Variants in APOL4 observed in about 807,000 individuals in gnomAD.
APOL4 encodes the protein apolipoprotein L, 4.
Under a neutral mutation model 12.1 loss-of-function variants are expected in APOL4, and 14 were observed. That is an observed-to-expected ratio of 1.16 (90% confidence interval 0.76 to 1.81). The LOEUF (loss-of-function observed/expected upper bound fraction) is 1.81. Among genes scored for constraint, APOL4 ranks in the 40% most tolerant of loss-of-function variants. The probability of loss-of-function intolerance (pLI) is 0.00; values close to 1 mark genes in which losing one functional copy is unlikely to be tolerated. For synonymous variants in APOL4, 171 were observed against 160.6 expected, an observed-to-expected ratio of 1.06 and a Z score of -0.49; for missense variants, 432 against 423.1, an observed-to-expected ratio of 1.02 and a Z score of -0.18.
chr22:36,199,197 CA>C (rs2014497460), intron 2 of APOL4, 132 bp downstream of exon 2: 1 of 1,271,672 alleles, frequency 7.9e-7, no homozygotes, highest in African/African-American at 1.5e-5. Flanking sequence ...GCAGCCTCAT[CA>C]GCCACCTCCG....
chr22:36,198,631 G>A (rs1002042330), intron 2 of APOL4, among the ~76,000 whole-genome samples: 2 of 152,192 alleles, frequency 1.3e-5, no homozygotes, highest in Admixed American at 6.5e-5. Flanking sequence ...TAGAGGGGAT[G>A]GGAACCACCC....
rs1603477170 is a variant in APOL4 at position 36,190,305 on chromosome 22, G to A, written c.*770C>T. ...GGCAGGGCGAGATCACAGGAACACA[G>A]GACCGGGGAGAAATTAAAATTGCTA... On this transcript the variant is annotated 3_prime_UTR_variant, in exon 4 of 4. Transcript: ENST00000683024. The A allele has an allele frequency of 6.6e-6, 1 of 152,240 alleles. No individual in the cohort carries two copies. 9.4% of individuals were successfully genotyped at this position (152,240 alleles called of 1,614,324 possible). A position where few individuals can be genotyped will look rare whatever the true frequency, so the allele number is the denominator to read the frequency against.
At position 36,195,306 on chromosome 22, in the gene APOL4, G is replaced by T. The variant is rs747631302; in HGVS notation, c.209+5C>A. The T allele has an allele frequency of 4.3e-6, 7 of 1,613,562 alleles. No individual in the cohort carries two copies. The highest frequency in any genetic ancestry group is 5.9e-6 in the Non-Finnish European group (7 of 1,179,612). On this transcript the variant is annotated splice_donor_5th_base_variant and intron_variant, in intron 3 of 3. Transcript: ENST00000683024. ...GCCCCAAGGAGGTAACCCCATGGAGGTTACCTGGGCAATTCAGCCACACGC... is the reference window on the plus strand; with the variant it reads ...GCCCCAAGGAGGTAACCCCATGGAGTTTACCTGGGCAATTCAGCCACACGC...
chr22:36,195,768 TCTCTCTCTCACACA>T (rs781248842), intron 2 of APOL4, among the ~76,000 whole-genome samples: 78 of 105,596 alleles, frequency 7.4e-4, no homozygotes, highest in South Asian at 6.3e-3. Context: ...TCTCTCTCTC[TCTCTCTCTCACACA>T]CACACACACA....
intron 2 of APOL4, among the ~76,000 whole-genome samples, chr22:36,198,508 G>A (rs185854214): frequency 1.1e-4 from 17 of 152,262 alleles, no homozygotes; most frequent in African/African-American, 3.4e-4. Context: ...GGGTACTTTC[G>A]ATGATTGGAC....
chr22:36,196,738 T>C (rs1418853402), intron 2 of APOL4, among the ~76,000 whole-genome samples: 3 of 152,108 alleles, frequency 2.0e-5, no homozygotes, highest in South Asian at 4.2e-4. Flanking sequence ...GAAGGAGAAA[T>C]TGAGACCCAG....
At chr22:36,199,408 A>G in intron 1 of APOL4, 32 bp from the exon 2 acceptor site, 2 of 1,614,004 alleles carry the variant, frequency 1.2e-6, no homozygotes, top group Non-Finnish European at 1.7e-6. Flanking sequence ...TGTGGGATTG[A>G]ATGTGAGCCA....
intron 3 of APOL4, among the ~76,000 whole-genome samples, chr22:36,192,938 C>T (rs1908459233): frequency 6.6e-6 from 1 of 152,196 alleles, no homozygotes; most frequent in African/African-American, 2.4e-5. Context: ...CTTGGCCAAA[C>T]TTCAGTTGGG....
chr22:36,200,399 C>T (rs961490657), intron 1 of APOL4, among the ~76,000 whole-genome samples: 2 of 152,234 alleles, frequency 1.3e-5, no homozygotes, highest in African/African-American at 4.8e-5. Context: ...GGTGAATTCA[C>T]TGGTGCTGCA....
intron 2 of APOL4, chr22:36,197,939 A>G: frequency 7.2e-7 from 1 of 1,395,118 alleles, no homozygotes; most frequent in Non-Finnish European, 9.3e-7. Flanking sequence ...CTTGTCCCAC[A>G]CCCACCTGTG....
chr22:36,201,426 C>T (rs559423625), intron 1 of APOL4, among the ~76,000 whole-genome samples: 20 of 150,796 alleles, frequency 1.3e-4, no homozygotes, highest in East Asian at 3.9e-4. Flanking sequence ...ACACAGATGT[C>T]TGTCTTCTGG....
Position 36,189,604 on chromosome 22 carries a change from T to G in APOL4, c.*1471A>C, listed in dbSNP as rs1258153510. The G allele has an allele frequency of 6.6e-6, 1 of 152,242 alleles. No individual in the cohort carries two copies. The highest frequency in any genetic ancestry group is 1.9e-4 in the East Asian group (1 of 5,184). 9.4% of individuals were successfully genotyped at this position (152,242 alleles called of 1,614,324 possible). A position where few individuals can be genotyped will look rare whatever the true frequency, so the allele number is the denominator to read the frequency against. On this transcript the variant is annotated 3_prime_UTR_variant, in exon 4 of 4. Coordinates refer to ENST00000683024, the MANE Select transcript of APOL4 (RefSeq NM_001386885.1). ...TTAGTGGAGCCGCTGTTTCTTCTCC[T>G]GTATCCAACAGTTCTAACTGTGGCT... is the stretch of plus-strand genomic sequence containing the variant.
intron 1 of APOL4, among the ~76,000 whole-genome samples, chr22:36,199,965 A>G (rs1488147491): frequency 6.6e-6 from 1 of 152,030 alleles, no homozygotes; most frequent in South Asian, 2.1e-4. Context: ...CCGTCGCCAC[A>G]TTCGGCTAAT....
At chr22:36,195,255 G>C (rs1204315280) in intron 3 of APOL4, 56 bp downstream of exon 3, 1 of 1,578,706 alleles carries the variant, frequency 6.3e-7, no homozygotes, top group Non-Finnish European at 8.6e-7. Flanking sequence ...ACTAGCCCGG[G>C]GAGATCTGGG....
At position 36,199,375 on chromosome 22, in the gene APOL4, C is replaced by A. The variant is rs201355750; in HGVS notation, c.37G>T (p.Val13Leu). 1 of 1,613,920 alleles carries A rather than the reference C, an allele frequency of 6.2e-7. No homozygotes were observed. The highest frequency in any genetic ancestry group is 1.7e-5 in the Admixed American group (1 of 60,006). The part of the protein sequence containing the change: ...SWVQLITSVG[V>L]QQNHPGWTVA... ...GTCCAGCCTGGATGGTTTTGCTGCA[C>A]CCTTGAGGAAGAGAAAACAAATTGT... Residue 13 changes from valine (V) to leucine (L), a missense_variant and splice_region_variant, in exon 2 of 4, where the codon GTG becomes TTG. Val to Leu is a conservative substitution (Grantham distance 32). Coordinates refer to ENST00000683024, the MANE Select transcript of APOL4 (RefSeq NM_001386885.1).
chr22:36,195,278 G>C (rs559028869), intron 3 of APOL4, 33 bp downstream of exon 3: 1 of 1,602,518 alleles, frequency 6.2e-7, no homozygotes, highest in Non-Finnish European at 8.5e-7. Context: ...GCATCACCGG[G>C]GTGCCCCAAG....
At chr22:36,192,199 G>A (rs1007608067) in intron 3 of APOL4, among the ~76,000 whole-genome samples, 9 of 152,130 alleles carry the variant, frequency 5.9e-5, no homozygotes. Context: ...AATTAGCCAG[G>A]CGTGGTGGTG....
At chr22:36,197,481 A>C in intron 2 of APOL4, 1 of 1,043,156 alleles carries the variant, frequency 9.6e-7, no homozygotes, top group South Asian at 2.8e-5. Flanking sequence ...TGTTTTATTG[A>C]TGGGGTGGGG....
rs771142537 is a variant in APOL4 at position 36,191,389 on chromosome 22, G to A, written c.733C>T (p.His245Tyr). 2 of 1,614,048 alleles carry A rather than the reference G, an allele frequency of 1.2e-6. No individual in the cohort carries two copies. Among genetic ancestry groups the A allele is most frequent in the South Asian group, 1.1e-5 (1 of 91,084 alleles). ...GTGGCTTTAGATCTCCTGAGTGTATGGACATCATTCGCAATCATTTTTGTG... is the reference window on the plus strand; with the variant it reads ...GTGGCTTTAGATCTCCTGAGTGTATAGACATCATTCGCAATCATTTTTGTG... ...EATKMIANDV[H>Y]TLRRSKATVG... The change falls in exon 4 of 4, where the codon CAT becomes TAT. Residue 245 changes from histidine to tyrosine, a missense_variant. His to Tyr is a moderately conservative substitution (Grantham distance 83, BLOSUM62 2). Coordinates refer to ENST00000683024, the MANE Select transcript of APOL4 (RefSeq NM_001386885.1).
Sources: allele counts gnomAD v4.1 joint callset (sites outside exome capture counted in the v4.1 genomes callset), GRCh38; gene constraint gnomAD v4.1.1; transcripts MANE v1.5; gene names NCBI Gene and HGNC (gene_info 2026-07-23, HGNC 2026-07-21).